ANKRD24: variants seen among roughly 807,000 people sequenced by gnomAD.
ANKRD24 encodes the protein ankyrin repeat domain-containing protein 24.
ANKRD24 carries 109 observed loss-of-function variants against 127.8 expected under a neutral mutation model. The observed-to-expected ratio is 0.85, with a 90% CI of 0.73 to 1.00. ANKRD24 has a LOEUF of 1.00. Among genes scored for constraint, ANKRD24 ranks in the 50% least tolerant of loss-of-function variants. ANKRD24 has a pLI of 0.00. For synonymous variants in ANKRD24, 743 were observed against 671.1 expected, an observed-to-expected ratio of 1.11 and a Z score of -1.66; for missense variants, 1,648 against 1,570.2, an observed-to-expected ratio of 1.05 and a Z score of -0.84.
At chr19:4,218,278 CTTTA>C in intron 18 of ANKRD24, 115 bp downstream of exon 18, 1 of 727,194 alleles carries the variant, frequency 1.4e-6, no homozygotes, top group Admixed American at 4.4e-5. Context: ...AACAGACCTA[CTTTA>C]TTTTATTTAT....
chr19:4,206,164 TAA>T (rs1441450296), intron 7 of ANKRD24, among the ~76,000 whole-genome samples: 2 of 148,326 alleles, frequency 1.3e-5, no homozygotes, highest in South Asian at 4.3e-4. Flanking sequence ...AATAAATAAA[TAA>T]ATAAATAAAT....
At position 4,199,837 on chromosome 19, in the gene ANKRD24, C is replaced by T; in HGVS notation, c.124-38C>T. Reference sequence around the variant, plus strand: ...CGGGGGCGTGGGGAGGGGACAGCAGCCAACACTGCCCCACGCACTTCTGGG... The same window carrying T: ...CGGGGGCGTGGGGAGGGGACAGCAGTCAACACTGCCCCACGCACTTCTGGG... On this transcript the variant is annotated intron_variant, in intron 3 of 21. Coordinates refer to ENST00000318934, the MANE Select transcript of ANKRD24 (RefSeq NM_001393985.1). This position sits in a 1 kb window ranked among gnomAD's most constrained non-coding sequence, Gnocchi z 5.2. The T allele has an allele frequency of 2.6e-6, 4 of 1,542,796 alleles. No individual in the cohort carries two copies. The highest frequency in any genetic ancestry group is 2.6e-6 in the Non-Finnish European group (3 of 1,141,506).
chr19:4,216,856 G>A lies in ANKRD24; in HGVS notation c.1696G>A (p.Ala566Thr), dbSNP rs776764257. 1 of 1,610,902 alleles carries A rather than the reference G, an allele frequency of 6.2e-7. No individual in the cohort carries two copies. The highest frequency in any genetic ancestry group is 1.1e-5 in the South Asian group (1 of 90,426). The change falls in exon 18 of 22, where the codon GCT becomes ACT. Residue 566 changes from alanine (A) to threonine (T), a missense_variant. By Grantham distance (58) the Ala-to-Thr change is moderately conservative. Coordinates refer to ENST00000318934, the MANE Select transcript of ANKRD24 (RefSeq NM_001393985.1). ...VNGAETIDEE[A>T]AGDETMEART... ...CGGAGCCGAGACCATAGATGAGGAG[G>A]CTGCAGGAGATGAAACCATGGAAGC... is the stretch of plus-strand genomic sequence containing the variant.
chr19:4,221,446 T>C (rs1970438299), intron 19 of ANKRD24, among the ~76,000 whole-genome samples: 1 of 151,682 alleles, frequency 6.6e-6, no homozygotes, highest in Non-Finnish European at 1.5e-5. Flanking sequence ...CCCAGGTTGG[T>C]CTCAAACTCT....
At chr19:4,221,741 T>C (rs2145425537) in intron 19 of ANKRD24, among the ~76,000 whole-genome samples, 1 of 152,206 alleles carries the variant, frequency 6.6e-6, no homozygotes, top group Non-Finnish European at 1.5e-5. Context: ...TTCCCCTCTG[T>C]AAAGGGAGGG....
chr19:4,218,278 C>T lies in ANKRD24; in HGVS notation c.3003+115C>T, dbSNP rs1018637101. ...CATCAGTTTTACTTGAACAGACCTA[C>T]TTTATTTTATTTATTTATTTATTTA... is the stretch of plus-strand genomic sequence containing the variant. On this transcript the variant is annotated intron_variant, in intron 18 of 21. Coordinates refer to ENST00000318934, the MANE Select transcript of ANKRD24 (RefSeq NM_001393985.1). 41 of 727,074 alleles carry T rather than the reference C, an allele frequency of 5.6e-5. No individual in the cohort carries two copies. In the East Asian group the frequency reaches 1.4e-3, roughly 25 times the overall value. 45.0% of individuals were successfully genotyped at this position (727,074 alleles called of 1,614,324 possible). A position where few individuals can be genotyped will look rare whatever the true frequency, so the allele number is the denominator to read the frequency against.
At chr19:4,191,517 G>T (rs1180308388) in intron 2 of ANKRD24, among the ~76,000 whole-genome samples, 1 of 151,752 alleles carries the variant, frequency 6.6e-6, no homozygotes, top group Admixed American at 6.6e-5. Context: ...GAGTCTCGCT[G>T]TGTTGCCAGG....
In ANKRD24 at chr19:4,193,845, G is replaced by GAGGGAGGGAAGGAAGGAAGGAAGGAAGGA. The variant is rs573649233; in HGVS notation, c.37-5835_37-5834insGAGGGAAGGAAGGAAGGAAGGAAGGAAGG. On this transcript the variant is annotated intron_variant, in intron 2 of 21. Coordinates refer to ENST00000318934, the MANE Select transcript of ANKRD24 (RefSeq NM_001393985.1). The stretch of plus-strand genomic sequence containing the variant: ...GAGCGAGACTCCGTCGGGAGGGAGG[G>GAGGGAGGGAAGGAAGGAAGGAAGGAAGGA]AGGAAGGAAGGAAGGAAGGAAGGAA... 2.2e-4 allele frequency among the ~76,000 whole-genome samples: 9 copies of GAGGGAGGGAAGGAAGGAAGGAAGGAAGGA among 40,602 alleles called. 2 individuals are homozygous for GAGGGAGGGAAGGAAGGAAGGAAGGAAGGA. Among genetic ancestry groups the GAGGGAGGGAAGGAAGGAAGGAAGGAAGGA allele is most frequent in the African/African-American group, 1.2e-3 (9 of 7,782 alleles). 26.6% of individuals were successfully genotyped at this position (40,602 alleles called of 152,430 possible). A position where few individuals can be genotyped will look rare whatever the true frequency, so the allele number is the denominator to read the frequency against.
intron 21 of ANKRD24, 115 bp downstream of exon 21, chr19:4,224,307 A>G: frequency 5.0e-6 from 7 of 1,412,894 alleles, no homozygotes; most frequent in South Asian, 2.5e-5. Context: ...GGTTCGTGGC[A>G]TGTGGGAGCC....
rs1173594126 is a variant in ANKRD24 at position 4,212,472 on chromosome 19, C to A, written c.1060-3C>A. On this transcript the variant is annotated splice_region_variant and splice_polypyrimidine_tract_variant and intron_variant, in intron 13 of 21. Transcript: ENST00000318934. ...AAACCCCTGTCCCTGTTTCTCCCGTCAGTCCCCGGAGGCCAGCTCCCTGCA... is the reference window on the plus strand; with the variant it reads ...AAACCCCTGTCCCTGTTTCTCCCGTAAGTCCCCGGAGGCCAGCTCCCTGCA... 2 of 1,575,908 alleles carry A rather than the reference C, an allele frequency of 1.3e-6. No homozygotes were observed. The highest frequency in any genetic ancestry group is 2.3e-5 in the East Asian group (1 of 43,148).
intron 5 of ANKRD24, among the ~76,000 whole-genome samples, chr19:4,201,162 T>A (rs1367442014): frequency 6.6e-6 from 1 of 152,046 alleles, no homozygotes; most frequent in African/African-American, 2.4e-5. Context: ...TATGTATGAC[T>A]TAACTGGAGA....
chr19:4,200,984 C>A (rs1969065877), intron 5 of ANKRD24, among the ~76,000 whole-genome samples: 1 of 151,962 alleles, frequency 6.6e-6, no homozygotes, highest in South Asian at 2.1e-4. Context: ...GGAGGAGGAA[C>A]TGGATTCATG....
At position 4,186,390 on chromosome 19, in the gene ANKRD24, G is replaced by T; in HGVS notation, c.-36G>T. ...TTACCCCCACCCTTGCCCTCCTCAGGTGGCCTGTGGAGAGGAGAAACACAG... is the reference window on the plus strand; with the variant it reads ...TTACCCCCACCCTTGCCCTCCTCAGTTGGCCTGTGGAGAGGAGAAACACAG... On this transcript the variant is annotated splice_region_variant and 5_prime_UTR_variant, in exon 2 of 22. Transcript: ENST00000318934. 1 of 1,572,842 alleles carries T rather than the reference G, an allele frequency of 6.4e-7. No homozygotes were observed. Among genetic ancestry groups the T allele is most frequent in the East Asian group, 2.4e-5 (1 of 42,218 alleles).
intron 1 of ANKRD24, among the ~76,000 whole-genome samples, chr19:4,186,027 AAGTT>A (rs1254220866): frequency 1.3e-5 from 2 of 152,160 alleles, no homozygotes; most frequent in African/African-American, 4.8e-5. Flanking sequence ...GCACAGGTAA[AAGTT>A]AGGAGACCAG....
rs368923143 is a variant in ANKRD24 at position 4,195,764 on chromosome 19, T to G, written c.37-3919T>G. 4.1e-3 allele frequency among the ~76,000 whole-genome samples: 625 copies of G among 152,172 alleles called. 4 individuals carry two copies. Among genetic ancestry groups the G allele is most frequent in the African/African-American group, 0.013 (560 of 41,524 alleles). On this transcript the variant is annotated intron_variant, in intron 2 of 21. Coordinates refer to ENST00000318934, the MANE Select transcript of ANKRD24 (RefSeq NM_001393985.1). The surrounding 1 kb of genome is among the most constrained non-coding windows in gnomAD (Gnocchi z 4.2). Reference sequence around the variant, plus strand: ...CAAAAATTCGCTAGGCGTGGTGGCGTGTGCCTGTAATCCCAGCTACTCGGG... The same window carrying G: ...CAAAAATTCGCTAGGCGTGGTGGCGGGTGCCTGTAATCCCAGCTACTCGGG...
At chr19:4,183,127 C>A (rs554657774) in intron 1 of ANKRD24, among the ~76,000 whole-genome samples, 1 of 152,070 alleles carries the variant, frequency 6.6e-6, no homozygotes, top group Non-Finnish European at 1.5e-5. Context: ...TACAGGCGCC[C>A]GCCACCACAC....
rs201999944 is a variant in ANKRD24, at chr19:4,207,950, C to T, written c.814C>T (p.Arg272Cys). 16 of 1,513,386 alleles carry T rather than the reference C, an allele frequency of 1.1e-5. No homozygotes were observed. In the African/African-American group the frequency reaches 1.1e-4, roughly 11 times the overall value. The allele number at this position is 1,513,386 out of a possible 1,614,324, so 93.7% of individuals were successfully genotyped here. A position where few individuals can be genotyped will look rare whatever the true frequency, so the allele number is the denominator to read the frequency against. ...GCACCTTCTGCAAGAGGCGGCCCAGCGCCCCTCCCCACCCAGCGGTATGCA... is the reference window on the plus strand; with the variant it reads ...GCACCTTCTGCAAGAGGCGGCCCAGTGCCCCTCCCCACCCAGCGGTATGCA... Reference protein sequence around the residue: ...ILHLLQEAAQRPSPPSALTED... With the variant: ...ILHLLQEAAQCPSPPSALTED... The change falls in exon 10 of 22, where the codon CGC becomes TGC. Residue 272 changes from arginine to cysteine, a missense_variant. By Grantham distance (180) the Arg-to-Cys change is radical. Coordinates refer to ENST00000318934, the MANE Select transcript of ANKRD24 (RefSeq NM_001393985.1).
chr19:4,224,315 G>T, intron 21 of ANKRD24, 113 bp from the exon 22 acceptor site: 1 of 1,412,322 alleles, frequency 7.1e-7, no homozygotes. Flanking sequence ...GCATGTGGGA[G>T]CCCCCCTGTG....
At chr19:4,187,529 C>T (rs80152515) in intron 2 of ANKRD24, among the ~76,000 whole-genome samples, 6 of 152,354 alleles carry the variant, frequency 3.9e-5, no homozygotes, top group East Asian at 3.9e-4. Flanking sequence ...CAGCTGTCTT[C>T]TCTTGCATCC....
Sources: gnomAD v4.1 joint callset for allele counts (sites outside exome capture counted in the v4.1 genomes callset) on GRCh38, gnomAD v4.1.1 for gene constraint, Gnocchi (gnomAD v3.1) non-coding constraint, MANE v1.5 for transcripts, NCBI Gene and HGNC (gene_info 2026-07-23, HGNC 2026-07-21) for gene names.